Variants in SYN3 observed in about 807,000 individuals in gnomAD.
The protein encoded by SYN3 is synapsin III.
SYN3 carries 35 observed loss-of-function variants against 65.8 expected under a neutral mutation model. That is an observed-to-expected ratio of 0.53 (90% CI 0.41 to 0.70). The LOEUF (loss-of-function observed/expected upper bound fraction) is 0.70, where lower values mean the gene tolerates loss of function less well. SYN3 is among the 30% of genes least tolerant of loss of function. The pLI, the probability that SYN3 is intolerant of heterozygous loss-of-function variation, is 0.00. For synonymous variants in SYN3, 270 were observed against 292.9 expected, an observed-to-expected ratio of 0.92 and a Z score of 0.80; for missense variants, 680 against 749.0, an observed-to-expected ratio of 0.91 and a Z score of 1.08.
At chr22:33,047,577 G>A (rs1601960753) in intron 1 of SYN3, among the ~76,000 whole-genome samples, 1 of 152,106 alleles carries the variant, frequency 6.6e-6, no homozygotes, top group South Asian at 2.1e-4. Context: ...CTGGCAGGAG[G>A]TGCCAGGCTA....
chr22:32,920,990 C>T (rs2050321569), intron 4 of SYN3, among the ~76,000 whole-genome samples: 1 of 152,166 alleles, frequency 6.6e-6, no homozygotes, highest in Admixed American at 6.5e-5. Context: ...TAGATTTAGT[C>T]TAGAAATTCT....
chr22:33,010,059 C>G (rs904889665), intron 1 of SYN3, among the ~76,000 whole-genome samples: 1 of 151,872 alleles, frequency 6.6e-6, no homozygotes, highest in African/African-American at 2.4e-5. Context: ...ATGGAGAAAC[C>G]CCGTCTCTAC....
rs1402557488 is a variant in SYN3 at position 32,516,349 on chromosome 22, T to TGA, written c.1610+1693_1610+1694insTC. 2.5e-3 allele frequency among the ~76,000 whole-genome samples: 338 copies of TGA among 133,450 alleles called. 3 individuals carry two copies. The highest frequency in any genetic ancestry group is 6.7e-3 in the African/African-American group (210 of 31,536). 87.5% of individuals were successfully genotyped at this position (133,450 alleles called of 152,430 possible). ...AGGCTTTTCAACATACATCTTTGAT[T>TGA]TATTTATTTATTTATTTATTTATTT... On this transcript the variant is annotated intron_variant, in intron 13 of 13. Transcript: ENST00000358763.
In SYN3 at chr22:32,596,716, C is replaced by T. The variant is rs373581311; in HGVS notation, c.732G>A (p.Pro244=). The T allele has an allele frequency of 1.5e-5, 25 of 1,613,808 alleles. No individual in the cohort carries two copies. Among genetic ancestry groups the T allele is most frequent in the Middle Eastern group, 1.6e-4 (1 of 6,084 alleles). Residue 244 remains proline (P), a synonymous_variant, in exon 7 of 14, where the codon CCG becomes CCA. Transcript: ENST00000358763. The part of the protein sequence containing the change: ...HKPMVTAPHF[P]VVVKLGHAHA... ...GGGCATGTCCCAGCTTGACTACCACCGGGAAGTGTGGGGCTGTGACCTGAA... is the reference window on the plus strand; with the variant it reads ...GGGCATGTCCCAGCTTGACTACCACTGGGAAGTGTGGGGCTGTGACCTGAA...
chr22:32,518,339 G>A lies in SYN3; in HGVS notation c.1319-5C>T, dbSNP rs745950217. 3 of 1,609,762 alleles carry A rather than the reference G, an allele frequency of 1.9e-6. No homozygotes were observed. Among genetic ancestry groups the A allele is most frequent in the Non-Finnish European group, 2.5e-6 (3 of 1,178,248 alleles). On this transcript the variant is annotated splice_region_variant and splice_polypyrimidine_tract_variant and intron_variant, in intron 12 of 13. Transcript: ENST00000358763. ...ACTGAGCTTGGCGAGGGCCTCCTAA[G>A]GGGCCAGAAAAAAAAAGGTTCAGTT...
At chr22:32,806,899 A>G (rs1334437265) in intron 6 of SYN3, among the ~76,000 whole-genome samples, 1 of 148,714 alleles carries the variant, frequency 6.7e-6, no homozygotes, top group Non-Finnish European at 1.5e-5. Flanking sequence ...ATTTACATAC[A>G]TAGGTATCCA....
intron 6 of SYN3, among the ~76,000 whole-genome samples, chr22:32,676,715 T>G (rs2060451011): frequency 6.6e-6 from 1 of 150,674 alleles, no homozygotes; most frequent in African/African-American, 2.4e-5. Context: ...TTTTTGTTTT[T>G]TTTTTTTTTA....
intron 4 of SYN3, among the ~76,000 whole-genome samples, chr22:32,916,422 C>T (rs538481416): frequency 2.0e-5 from 3 of 152,344 alleles, no homozygotes; most frequent in African/African-American, 7.2e-5. Flanking sequence ...GAAATAATTA[C>T]TGTCGGTAAG....
intron 6 of SYN3, among the ~76,000 whole-genome samples, chr22:32,621,090 G>A (rs762413169): frequency 3.3e-5 from 5 of 152,152 alleles, no homozygotes; most frequent in Non-Finnish European, 4.4e-5. Context: ...ATGCAGAAGG[G>A]TTCTGGAGCA....
At chr22:32,952,724 C>T (rs1011855975) in intron 3 of SYN3, among the ~76,000 whole-genome samples, 1 of 152,144 alleles carries the variant, frequency 6.6e-6, no homozygotes, top group Non-Finnish European at 1.5e-5. Flanking sequence ...CATCGCCCTG[C>T]AGCCCAAGGA....
At chr22:33,017,773 T>TG (rs1556174592) in intron 1 of SYN3, among the ~76,000 whole-genome samples, 1 of 150,484 alleles carries the variant, frequency 6.6e-6, no homozygotes, top group Admixed American at 6.7e-5. Flanking sequence ...TTTTTTTTTT[T>TG]GTAGAATCTT....
chr22:32,700,737 G>T (rs2060800260), intron 6 of SYN3, among the ~76,000 whole-genome samples: 1 of 151,894 alleles, frequency 6.6e-6, no homozygotes, highest in Admixed American at 6.5e-5. Context: ...ATGAAAAATA[G>T]CTTTAAACAC....
chr22:32,529,349 G>A (rs1420473235), intron 10 of SYN3, among the ~76,000 whole-genome samples: 2 of 152,154 alleles, frequency 1.3e-5, no homozygotes, highest in Non-Finnish European at 2.9e-5. Context: ...TCCCAGGGTC[G>A]GGGCTGGCCA....
intron 6 of SYN3, among the ~76,000 whole-genome samples, chr22:32,839,970 G>A (rs145058459): frequency 1.6e-3 from 238 of 152,114 alleles, no homozygotes; most frequent in African/African-American, 5.4e-3. Flanking sequence ...GGTGAGGAGA[G>A]CCAGGAGCTC....
At chr22:32,995,071 C>T (rs1054124419) in intron 2 of SYN3, among the ~76,000 whole-genome samples, 1 of 152,176 alleles carries the variant, frequency 6.6e-6, no homozygotes, top group African/African-American at 2.4e-5. Context: ...GCCCACAGTA[C>T]CCAGGCCGTC....
chr22:32,518,343 C>G lies in SYN3; in HGVS notation c.1319-9G>C. ...AGCTTGGCGAGGGCCTCCTAAGGGG[C>G]CAGAAAAAAAAAGGTTCAGTTCAAT... is the stretch of plus-strand genomic sequence containing the variant. On this transcript the variant is annotated splice_polypyrimidine_tract_variant and intron_variant, in intron 12 of 13. Transcript: ENST00000358763. The G allele has an allele frequency of 6.2e-7, 1 of 1,606,214 alleles. No individual in the cohort carries two copies. The highest frequency in any genetic ancestry group is 1.7e-5 in the Admixed American group (1 of 58,840).
chr22:32,892,381 G>A (rs1020634047), intron 4 of SYN3, among the ~76,000 whole-genome samples: 7 of 152,184 alleles, frequency 4.6e-5, no homozygotes, highest in Admixed American at 3.9e-4. Flanking sequence ...CCTATTCTAG[G>A]CAGTGTGCTG....
intron 1 of SYN3, among the ~76,000 whole-genome samples, chr22:33,044,233 C>G (rs927980947): frequency 1.3e-5 from 2 of 152,164 alleles, no homozygotes; most frequent in African/African-American, 4.8e-5. Flanking sequence ...AGGTACAGTG[C>G]GTTCTTCCAC....
intron 7 of SYN3, among the ~76,000 whole-genome samples, chr22:32,563,669 C>T (rs1278302320): frequency 6.6e-6 from 1 of 152,046 alleles, no homozygotes; most frequent in Non-Finnish European, 1.5e-5. Context: ...ACCTGGAGCC[C>T]TGCTAGTTTT....
Sources: allele counts gnomAD v4.1 joint callset (sites outside exome capture counted in the v4.1 genomes callset), GRCh38; gene constraint gnomAD v4.1.1; transcripts MANE v1.5; gene names NCBI Gene and HGNC (gene_info 2026-07-23, HGNC 2026-07-21).